Variants in STXBP5L observed in about 807,000 individuals in gnomAD.
STXBP5L encodes the protein syntaxin binding protein 5L.
In STXBP5L, 65 loss-of-function variants were observed where a neutral mutation model predicts 144.5. The observed-to-expected ratio is 0.45, with a 90% CI of 0.37 to 0.55. The LOEUF is 0.55. Ranked by LOEUF, STXBP5L falls within the 20% of genes least tolerant of loss-of-function variation. STXBP5L has a pLI of 0.00. For synonymous variants in STXBP5L, 505 were observed against 469.6 expected (o/e 1.08, Z -0.97); for missense variants, 1,298 against 1,405.5 (o/e 0.92, Z 1.22).
In STXBP5L at chr3:120,932,552, T is replaced by A. The variant is rs1313603074; in HGVS notation, c.190-22388T>A. On this transcript the variant is annotated intron_variant, in intron 2 of 26. Coordinates refer to ENST00000471454, the MANE Select transcript of STXBP5L (RefSeq NM_001308330.2). The stretch of plus-strand genomic sequence containing the variant: ...TAGAAATAAAGTGAATTTTAAAAAA[T>A]TAAACTGTTTATAAAAGCTATTATA... Among the ~76,000 whole-genome samples, 3 of 151,064 alleles carry A rather than the reference T, an allele frequency of 2.0e-5. No individual in the cohort carries two copies. In the East Asian group the frequency reaches 5.8e-4, roughly 29 times the overall value.
At chr3:121,377,408 A>C (rs1395520822) in intron 20 of STXBP5L, among the ~76,000 whole-genome samples, 2 of 152,202 alleles carry the variant, frequency 1.3e-5, no homozygotes, top group Non-Finnish European at 2.9e-5. Context: ...CAACATACAG[A>C]GTAGGAGAAA....
intron 3 of STXBP5L, among the ~76,000 whole-genome samples, chr3:120,981,911 G>A (rs1941814438): frequency 6.6e-6 from 1 of 152,168 alleles, no homozygotes; most frequent in Admixed American, 6.5e-5. Context: ...AATTCTAGGT[G>A]CTTTCAGGTA....
At chr3:121,139,702 A>G (rs1433256098) in intron 7 of STXBP5L, among the ~76,000 whole-genome samples, 1 of 152,110 alleles carries the variant, frequency 6.6e-6, no homozygotes, top group African/African-American at 2.4e-5. Flanking sequence ...AAAATGGTAC[A>G]TATTCTATTG....
intron 12 of STXBP5L, among the ~76,000 whole-genome samples, chr3:121,237,588 C>T (rs2049522659): frequency 6.6e-6 from 1 of 152,206 alleles, no homozygotes; most frequent in African/African-American, 2.4e-5. Context: ...CTCCTGAAAA[C>T]ACTCTTTTCT....
intron 3 of STXBP5L, among the ~76,000 whole-genome samples, chr3:121,018,135 T>G (rs549164252): frequency 2.3e-4 from 35 of 152,272 alleles, no homozygotes; most frequent in African/African-American, 8.2e-4. Flanking sequence ...GATAGCAATA[T>G]TCAATATTGT....
intron 9 of STXBP5L, among the ~76,000 whole-genome samples, chr3:121,190,986 G>T (rs948311297): frequency 1.3e-5 from 2 of 151,938 alleles, no homozygotes; most frequent in African/African-American, 4.8e-5. Flanking sequence ...ACGATGGGCG[G>T]CTGGGCAGAG....
At chr3:121,174,379 G>A (rs1203825258) in intron 9 of STXBP5L, among the ~76,000 whole-genome samples, 1 of 151,850 alleles carries the variant, frequency 6.6e-6, no homozygotes, top group Non-Finnish European at 1.5e-5. Flanking sequence ...GATATTTTAG[G>A]CTAAAGCTGT....
At chr3:120,989,856 G>A (rs1224512636) in intron 3 of STXBP5L, among the ~76,000 whole-genome samples, 1 of 151,984 alleles carries the variant, frequency 6.6e-6, no homozygotes, top group Non-Finnish European at 1.5e-5. Context: ...ATATCATACT[G>A]AATGGGCAAA....
At chr3:121,096,106 C>T (rs2043113769) in intron 5 of STXBP5L, among the ~76,000 whole-genome samples, 1 of 148,688 alleles carries the variant, frequency 6.7e-6, no homozygotes, top group African/African-American at 2.5e-5. Flanking sequence ...TACCCACTAT[C>T]CTGCCCCCCA....
chr3:121,351,111 T>C (rs1414072924), intron 20 of STXBP5L, among the ~76,000 whole-genome samples: 2 of 152,176 alleles, frequency 1.3e-5, no homozygotes, highest in Admixed American at 6.5e-5. Flanking sequence ...TGGTCTTTGA[T>C]GATGGTGACG....
intron 9 of STXBP5L, chr3:121,157,948 G>A: frequency 4.5e-6 from 1 of 223,426 alleles, no homozygotes; most frequent in Non-Finnish European, 8.7e-6. Context: ...GGGCTGAGGA[G>A]CCAGTGAGAG....
At chr3:121,366,900 C>A (rs1424922355) in intron 20 of STXBP5L, among the ~76,000 whole-genome samples, 1 of 151,906 alleles carries the variant, frequency 6.6e-6, no homozygotes, top group Non-Finnish European at 1.5e-5. Context: ...TTCTCATTTC[C>A]TATTGGTATA....
At chr3:121,410,924 AT>A (rs2047101387) in intron 23 of STXBP5L, among the ~76,000 whole-genome samples, 1 of 151,896 alleles carries the variant, frequency 6.6e-6, no homozygotes, top group South Asian at 2.1e-4. Context: ...CTTACTTGTT[AT>A]TATACAATAT....
intron 19 of STXBP5L, among the ~76,000 whole-genome samples, chr3:121,288,003 G>T (rs892377431): frequency 2.6e-5 from 4 of 152,144 alleles, no homozygotes; most frequent in African/African-American, 7.2e-5. Flanking sequence ...TAAAAATACA[G>T]CAGATGTTCT....
intron 20 of STXBP5L, among the ~76,000 whole-genome samples, chr3:121,362,143 GTC>G (rs367868375): frequency 6.0e-5 from 9 of 151,214 alleles, no homozygotes; most frequent in Admixed American, 2.0e-4. Flanking sequence ...AACATACAGA[GTC>G]TCTCTCTCTC....
At chr3:120,941,195 T>A (rs1710549496) in intron 2 of STXBP5L, among the ~76,000 whole-genome samples, 1 of 151,814 alleles carries the variant, frequency 6.6e-6, no homozygotes, top group African/African-American at 2.4e-5. Flanking sequence ...GTATTTTGAA[T>A]GCTTATAAGG....
At chr3:121,069,001 CGT>C (rs150043167) in intron 5 of STXBP5L, among the ~76,000 whole-genome samples, 62 of 151,598 alleles carry the variant, frequency 4.1e-4, no homozygotes, top group Admixed American at 2.1e-3. Context: ...TACATGCACT[CGT>C]GTGTGTGTGT....
rs113508403 is a variant in STXBP5L at position 121,061,099 on chromosome 3, G to A, written c.470+15564G>A. Reference sequence around the variant, plus strand: ...TTTTAGATCTTTCCCACATTCTCCTGTGGGCATTTAATGCTATAAATTTCC... The same window carrying A: ...TTTTAGATCTTTCCCACATTCTCCTATGGGCATTTAATGCTATAAATTTCC... On this transcript the variant is annotated intron_variant, in intron 5 of 26. Transcript: ENST00000471454. Among the ~76,000 whole-genome samples, 828 of 152,252 alleles carry A rather than the reference G, an allele frequency of 5.4e-3. 3 individuals carry two copies. The highest frequency in any genetic ancestry group is 0.014 in the Middle Eastern group (4 of 294).
intron 2 of STXBP5L, among the ~76,000 whole-genome samples, chr3:120,938,644 T>A (rs1486611784): frequency 2.0e-5 from 3 of 152,212 alleles, no homozygotes; most frequent in African/African-American, 7.2e-5. Context: ...CTTAAATTCA[T>A]ATAGGGCAAA....
Sources: allele counts gnomAD v4.1 joint callset (sites outside exome capture counted in the v4.1 genomes callset), GRCh38; gene constraint gnomAD v4.1.1; transcripts MANE v1.5; gene names NCBI Gene and HGNC (gene_info 2026-07-23, HGNC 2026-07-21).